The following MAGI2 variants were observed in gnomAD, a reference collection of about 807,000 sequenced individuals.
The protein encoded by MAGI2 is membrane-associated guanylate kinase, WW and PDZ domain-containing protein 2.
A neutral mutation model predicts 133.3 loss-of-function variants in MAGI2; 35 were observed. The observed-to-expected ratio is 0.26, with a 90% CI of 0.20 to 0.35. MAGI2 has a LOEUF of 0.35. MAGI2 is among the 10% of genes least tolerant of loss of function. The pLI is 1.00. For missense variants in MAGI2, 1,636 were observed against 1,863.4 expected (o/e 0.88, Z 2.25); for synonymous variants, 729 against 710.6 (o/e 1.03, Z -0.41).
At chr7:79,416,575 A>G (rs1846530435) in intron 1 of MAGI2, among the ~76,000 whole-genome samples, 1 of 152,008 alleles carries the variant, frequency 6.6e-6, no homozygotes, top group African/African-American at 2.4e-5. Flanking sequence ...AAATGATATG[A>G]TGTCTGAGAT....
chr7:78,261,987 C>T (rs1164535201), intron 9 of MAGI2, among the ~76,000 whole-genome samples: 2 of 152,108 alleles, frequency 1.3e-5, no homozygotes, highest in Non-Finnish European at 2.9e-5. Flanking sequence ...AAGTGAAACA[C>T]TGTGGTATGT....
intron 6 of MAGI2, among the ~76,000 whole-genome samples, chr7:78,435,339 G>A (rs1437944692): frequency 1.3e-5 from 2 of 152,074 alleles, no homozygotes; most frequent in African/African-American, 4.8e-5. Context: ...ATAGACACTT[G>A]GTCAGAAATT....
At chr7:78,067,936 G>A (rs1279491491) in intron 21 of MAGI2, among the ~76,000 whole-genome samples, 1 of 152,210 alleles carries the variant, frequency 6.6e-6, no homozygotes, top group Non-Finnish European at 1.5e-5. Context: ...GGGAATGGAT[G>A]AATAGATGGA....
At chr7:78,483,010 A>G (rs564348586) in intron 6 of MAGI2, among the ~76,000 whole-genome samples, 32 of 121,060 alleles carry the variant, frequency 2.6e-4, no homozygotes, top group Middle Eastern at 4.2e-3. Flanking sequence ...CAATACATGT[A>G]TATTGTATAT....
At chr7:78,083,397 A>G (rs1297972119) in intron 20 of MAGI2, among the ~76,000 whole-genome samples, 2 of 46,222 alleles carry the variant, frequency 4.3e-5, no homozygotes, top group South Asian at 1.6e-3. Flanking sequence ...GGAGAGAGAG[A>G]GAGAGAGAGA....
chr7:78,650,738 G>A (rs1294358328), intron 2 of MAGI2, among the ~76,000 whole-genome samples: 1 of 152,074 alleles, frequency 6.6e-6, no homozygotes, highest in African/African-American at 2.4e-5. Flanking sequence ...AAGTATTTCT[G>A]CTGACTATTA....
At chr7:78,682,619 T>TTTGGGTTGGTTC (rs1815812749) in intron 2 of MAGI2, among the ~76,000 whole-genome samples, 1 of 152,164 alleles carries the variant, frequency 6.6e-6, no homozygotes, top group Non-Finnish European at 1.5e-5. Flanking sequence ...ATCCAGTCTA[T>TTTGGGTTGGTTC]CATTGATGGG....
At chr7:78,837,388 C>T (rs1273262144) in intron 2 of MAGI2, among the ~76,000 whole-genome samples, 3 of 152,064 alleles carry the variant, frequency 2.0e-5, no homozygotes, top group Non-Finnish European at 4.4e-5. Context: ...TGTTGACATG[C>T]TCTTTATAAA....
chr7:78,529,312 G>C (rs1308104991), intron 3 of MAGI2, among the ~76,000 whole-genome samples: 1 of 151,962 alleles, frequency 6.6e-6, no homozygotes, highest in Non-Finnish European at 1.5e-5. Context: ...AAGGTGGTTT[G>C]TTCATGTAAA....
At chr7:79,318,692 A>G (rs1046771107) in intron 1 of MAGI2, among the ~76,000 whole-genome samples, 3 of 152,226 alleles carry the variant, frequency 2.0e-5, no homozygotes, top group African/African-American at 7.2e-5. Context: ...ATTAGTTTTC[A>G]GACTCCTTTA....
chr7:78,521,877 T>C (rs1189551767), intron 3 of MAGI2, among the ~76,000 whole-genome samples: 1 of 152,172 alleles, frequency 6.6e-6, no homozygotes, highest in African/African-American at 2.4e-5. Flanking sequence ...AGATCTATCT[T>C]TATTCTCATC....
In MAGI2 at chr7:78,276,061, C is replaced by G. The variant is rs188842964; in HGVS notation, c.1409-19480G>C. On this transcript the variant is annotated intron_variant, in intron 9 of 21. Coordinates refer to ENST00000354212, the MANE Select transcript of MAGI2 (RefSeq NM_012301.4). ...ACAGAGAAAGCATAAACTCATATTT[C>G]ATCTCCCTAATTACTGGTCTAGGGA... Among the ~76,000 whole-genome samples, 19 of 152,258 alleles carry G rather than the reference C, an allele frequency of 1.2e-4. No homozygotes were observed. In the East Asian group the frequency reaches 3.7e-3, roughly 29 times the overall value.
chr7:78,131,755 A>T (rs1305821371), intron 18 of MAGI2, among the ~76,000 whole-genome samples: 1 of 152,226 alleles, frequency 6.6e-6, no homozygotes, highest in Non-Finnish European at 1.5e-5. Flanking sequence ...TTTTTCTGGA[A>T]GTTCAAAGTG....
At chr7:78,780,327 C>T (rs1353039767) in intron 2 of MAGI2, among the ~76,000 whole-genome samples, 3 of 152,212 alleles carry the variant, frequency 2.0e-5, no homozygotes, top group African/African-American at 4.8e-5. Flanking sequence ...CAGCACCCCA[C>T]TCTATGTGTA....
At chr7:78,689,418 T>C (rs1329862438) in intron 2 of MAGI2, among the ~76,000 whole-genome samples, 1 of 152,174 alleles carries the variant, frequency 6.6e-6, no homozygotes, top group Non-Finnish European at 1.5e-5. Context: ...TTTTAAATTT[T>C]CAAATCAAGG....
intron 3 of MAGI2, among the ~76,000 whole-genome samples, chr7:78,611,797 T>C (rs1806476149): frequency 1.3e-5 from 2 of 152,190 alleles, no homozygotes; most frequent in Admixed American, 1.3e-4. Flanking sequence ...TTCTTATGCT[T>C]GAAAGTAGAC....
At chr7:78,910,434 G>A (rs1422391238) in intron 2 of MAGI2, among the ~76,000 whole-genome samples, 1 of 151,942 alleles carries the variant, frequency 6.6e-6, no homozygotes, top group Non-Finnish European at 1.5e-5. Flanking sequence ...TAACAGAAAG[G>A]TAATAAATAC....
At chr7:78,316,450 G>C (rs1584847151) in intron 9 of MAGI2, among the ~76,000 whole-genome samples, 2 of 152,250 alleles carry the variant, frequency 1.3e-5, no homozygotes, top group East Asian at 3.9e-4. Context: ...TGGTGTTAAT[G>C]ACATTTTCAG....
At position 79,112,858 on chromosome 7, in the gene MAGI2, T is replaced by G. The variant is rs550523617; in HGVS notation, c.302-105652A>C. Among the ~76,000 whole-genome samples, 3 of 146,138 alleles carry G rather than the reference T, an allele frequency of 2.1e-5. 1 individual carries two copies. The South Asian group carries it at 6.2e-4, about 30-fold the overall frequency. The stretch of plus-strand genomic sequence containing the variant: ...TGCAATTGTTCCATGACCTTTACAT[T>G]TTTTTGTCAAAACATTAAAATCTTC... On this transcript the variant is annotated intron_variant, in intron 1 of 21. Transcript: ENST00000354212.
Sources: allele counts gnomAD v4.1 joint callset (sites outside exome capture counted in the v4.1 genomes callset), GRCh38; gene constraint gnomAD v4.1.1; transcripts MANE v1.5; gene names NCBI Gene and HGNC (gene_info 2026-07-23, HGNC 2026-07-21).